NFKB1: variants seen among roughly 807,000 people sequenced by gnomAD.
NFKB1 encodes nuclear factor NF-kappa-B p105 subunit.
NFKB1 carries 9 observed loss-of-function variants against 105.1 expected under a neutral mutation model. The ratio of observed to expected loss-of-function variants is 0.09; its 90% CI spans 0.05 to 0.15. NFKB1 has a LOEUF of 0.15. Ranked by LOEUF, NFKB1 falls within the 10% of genes least tolerant of loss-of-function variation. NFKB1 has a pLI of 1.00. For synonymous variants in NFKB1, 440 were observed against 442.2 expected (o/e 1.00, Z 0.06); for missense variants, 830 against 1,203.7 (o/e 0.69, Z 4.59).
At chr4:102,552,424 G>T (rs1722686953) in intron 5 of NFKB1, among the ~76,000 whole-genome samples, 1 of 152,186 alleles carries the variant, frequency 6.6e-6, no homozygotes, top group African/African-American at 2.4e-5. Flanking sequence ...TCTGAGGATG[G>T]AATGTATTGC....
At chr4:102,588,554 GCAGTCA>G (rs1725910881) in intron 11 of NFKB1, among the ~76,000 whole-genome samples, 1 of 152,086 alleles carries the variant, frequency 6.6e-6, no homozygotes, top group African/African-American at 2.4e-5. Context: ...CAAGATAAAT[GCAGTCA>G]CCTTTACTGG....
At chr4:102,606,040 G>A (rs1727688892) in intron 16 of NFKB1, among the ~76,000 whole-genome samples, 1 of 152,132 alleles carries the variant, frequency 6.6e-6, no homozygotes, top group African/African-American at 2.4e-5. Context: ...ACTACTAGGT[G>A]TGCTCAAAAT....
chr4:102,590,747 A>G (rs989591187), intron 11 of NFKB1, among the ~76,000 whole-genome samples: 3 of 152,186 alleles, frequency 2.0e-5, no homozygotes, highest in African/African-American at 7.2e-5. Context: ...AATTAGGCCA[A>G]TTAATAACCT....
intron 19 of NFKB1, among the ~76,000 whole-genome samples, chr4:102,608,467 T>C (rs976536126): frequency 2.6e-5 from 4 of 152,214 alleles, no homozygotes; most frequent in African/African-American, 7.2e-5. Context: ...CTCTGTACTA[T>C]GTTTCTCTCT....
In NFKB1 at chr4:102,584,693, C is replaced by G; in HGVS notation, c.939C>G (p.Val313=). Residue 313 remains valine (V), a synonymous_variant, in exon 11 of 24, where the codon GTC becomes GTG. Coordinates refer to ENST00000226574, the MANE Select transcript of NFKB1 (RefSeq NM_003998.4). The stretch of plus-strand genomic sequence containing the variant: ...TTCGTATCCTGCAGTTTGCCATTGT[C>G]TTCAAAACTCCAAAGTATAAAGATA... ...PTDVHRQFAI[V]FKTPKYKDIN... 2 of 1,596,708 alleles carry G rather than the reference C, an allele frequency of 1.3e-6. No individual in the cohort carries two copies. Among genetic ancestry groups the G allele is most frequent in the African/African-American group, 1.4e-5 (1 of 73,632 alleles).
Position 102,613,407 on chromosome 4 carries a change from T to G in NFKB1, c.2593-18T>G. On this transcript the variant is annotated intron_variant, in intron 22 of 23. Transcript: ENST00000226574. ...CTCGAACACAAGAACATGCTCCTCC[T>G]TCCTTTCTTTCTCACAGGTCTCTGG... 1 of 1,612,074 alleles carries G rather than the reference T, an allele frequency of 6.2e-7. No homozygotes were observed. The highest frequency in any genetic ancestry group is 8.5e-7 in the Non-Finnish European group (1 of 1,178,758).
intron 6 of NFKB1, among the ~76,000 whole-genome samples, chr4:102,572,953 T>C (rs992175798): frequency 6.6e-6 from 1 of 152,234 alleles, no homozygotes; most frequent in African/African-American, 2.4e-5. Flanking sequence ...TCAGTAGGTG[T>C]ATGTTTTCAT....
At chr4:102,534,479 A>G (rs542755915) in intron 4 of NFKB1, among the ~76,000 whole-genome samples, 6 of 152,272 alleles carry the variant, frequency 3.9e-5, no homozygotes, top group African/African-American at 1.4e-4. Context: ...TCCCCTTACC[A>G]CTAGAGTCTG....
Position 102,612,456 on chromosome 4 carries a change from A to C in NFKB1, c.2442A>C (p.Glu814Asp). The C allele has an allele frequency of 6.2e-7, 1 of 1,613,350 alleles. No individual in the cohort carries two copies. The highest frequency in any genetic ancestry group is 1.1e-5 in the South Asian group (1 of 91,058). Reference protein sequence around the residue: ...LAQGDMKQLAEDVKLQLYKLL... With the variant: ...LAQGDMKQLADDVKLQLYKLL... ...CAGGAGACATGAAACAGCTGGCTGA[A>C]GATGTGAAGCTGCAGCTGTATAAGT... is the stretch of plus-strand genomic sequence containing the variant. The change falls in exon 22 of 24, where the codon GAA becomes GAC. Residue 814 changes from glutamate to aspartate, a missense_variant. By Grantham distance (45) the Glu-to-Asp change is conservative (BLOSUM62 2). Coordinates refer to ENST00000226574, the MANE Select transcript of NFKB1 (RefSeq NM_003998.4).
At position 102,580,878 on chromosome 4, in the gene NFKB1, C is replaced by T. The variant is rs941436960; in HGVS notation, c.835+239C>T. Among the ~76,000 whole-genome samples, 6 of 152,082 alleles carry T rather than the reference C, an allele frequency of 3.9e-5. No individual in the cohort carries two copies. The South Asian group carries it at 8.3e-4, about 21-fold the overall frequency. On this transcript the variant is annotated intron_variant, in intron 9 of 23. Coordinates refer to ENST00000226574, the MANE Select transcript of NFKB1 (RefSeq NM_003998.4). ...TGGAAGTAAAAAGAAATAAGAAAAC[C>T]GTGATAATTATAATCAGTGACTTTC...
In NFKB1 at chr4:102,580,784, A is replaced by G. The variant is rs949903221; in HGVS notation, c.835+145A>G. ...AAGTCTTAAAAAGCATTTACGTTTT[A>G]CCTCTTCCAAATGTAAATTGTCTGT... On this transcript the variant is annotated intron_variant, in intron 9 of 23. Coordinates refer to ENST00000226574, the MANE Select transcript of NFKB1 (RefSeq NM_003998.4). 13 of 588,336 alleles carry G rather than the reference A, an allele frequency of 2.2e-5. No individual in the cohort carries two copies. The South Asian group carries it at 3.4e-4, about 15-fold the overall frequency. The allele number at this position is 588,336 out of a possible 1,614,324, so 36.4% of individuals were successfully genotyped here.
Position 102,556,243 on chromosome 4 carries a change from A to G in NFKB1, c.259-10744A>G, listed in dbSNP as rs1722980321. ...TTTGGGCACATTGAGCTGTAACGGT[A>G]TTATGGACAGGAAGATACCCTACAA... On this transcript the variant is annotated intron_variant, in intron 5 of 23. Transcript: ENST00000226574. Among the ~76,000 whole-genome samples, 5 of 152,290 alleles carry G rather than the reference A, an allele frequency of 3.3e-5. No homozygotes were observed. In the South Asian group the frequency reaches 1.0e-3, roughly 32 times the overall value.
At chr4:102,539,236 CAAA>C (rs550342036) in intron 5 of NFKB1, among the ~76,000 whole-genome samples, 6 of 95,632 alleles carry the variant, frequency 6.3e-5, no homozygotes, top group African/African-American at 2.3e-4. Flanking sequence ...GACTCTGTCT[CAAA>C]AAAAAAAAAA....
At chr4:102,579,957 A>C (rs1286648727) in intron 8 of NFKB1, among the ~76,000 whole-genome samples, 3 of 151,960 alleles carry the variant, frequency 2.0e-5, no homozygotes, top group African/African-American at 7.3e-5. Flanking sequence ...ATCACCTTAA[A>C]ATGCAGCTGT....
intron 1 of NFKB1, among the ~76,000 whole-genome samples, chr4:102,515,112 T>TTTA (rs1248474599): frequency 1.5e-5 from 2 of 129,432 alleles, no homozygotes; most frequent in East Asian, 2.2e-4. Context: ...TTATTATTTT[T>TTTA]TTTTTTTTTT....
intron 1 of NFKB1, among the ~76,000 whole-genome samples, chr4:102,519,993 G>A (rs985760251): frequency 6.6e-6 from 1 of 152,166 alleles, no homozygotes; most frequent in Admixed American, 6.5e-5. Context: ...CTCATGCTCA[G>A]CGTTATTGAT....
At position 102,604,679 on chromosome 4, in the gene NFKB1, T is replaced by G. The variant is rs3774966; in HGVS notation, c.1753-1817T>G. 9.4e-4 allele frequency among the ~76,000 whole-genome samples: 143 copies of G among 151,736 alleles called. 1 individual carries two copies. In the East Asian group the frequency reaches 0.025, roughly 27 times the overall value. On this transcript the variant is annotated intron_variant, in intron 16 of 23. Coordinates refer to ENST00000226574, the MANE Select transcript of NFKB1 (RefSeq NM_003998.4). ...GTCTTTCACCTATAACATCCTTGTTTCCTAGTAGTAGACATTTAACCAACT... is the reference window on the plus strand; with the variant it reads ...GTCTTTCACCTATAACATCCTTGTTGCCTAGTAGTAGACATTTAACCAACT...
At chr4:102,599,133 G>A (rs185229351) in intron 15 of NFKB1, among the ~76,000 whole-genome samples, 290 of 152,290 alleles carry the variant, frequency 1.9e-3, no homozygotes, top group African/African-American at 6.5e-3. Context: ...GAGGATTTGA[G>A]GGGGAGGGGG....
intron 5 of NFKB1, among the ~76,000 whole-genome samples, chr4:102,547,890 A>G (rs752312384): frequency 2.0e-5 from 3 of 152,182 alleles, no homozygotes; most frequent in Non-Finnish European, 4.4e-5. Context: ...TTTTAGATGT[A>G]ACACATGATT....
Sources: allele counts gnomAD v4.1 joint callset (sites outside exome capture counted in the v4.1 genomes callset), GRCh38; gene constraint gnomAD v4.1.1; transcripts MANE v1.5; gene names NCBI Gene and HGNC (gene_info 2026-07-23, HGNC 2026-07-21).